Variants in NBAS observed in about 807,000 individuals in gnomAD.
NBAS encodes NBAS subunit of NRZ tethering complex.
A neutral mutation model predicts 302.5 loss-of-function variants in NBAS; 219 were observed. That is an observed-to-expected ratio of 0.72 (90% confidence interval 0.65 to 0.81). The LOEUF (loss-of-function observed/expected upper bound fraction) is 0.81, where lower values mean the gene tolerates loss of function less well. NBAS is among the 30% of genes least tolerant of loss of function. The pLI, the probability that NBAS is intolerant of heterozygous loss-of-function variation, is 0.00. For missense variants in NBAS, 2,932 were observed against 2,841.6 expected, an observed-to-expected ratio of 1.03 and a Z score of -0.72; for synonymous variants, 1,118 against 1,021.6, an observed-to-expected ratio of 1.09 and a Z score of -1.80.
intron 47 of NBAS, among the ~76,000 whole-genome samples, chr2:15,230,850 G>A (rs35509668): frequency 0.073 from 11,179 of 152,200 alleles, 454 homozygotes; most frequent in East Asian, 0.13. Context: ...TGTTTCCCAC[G>A]TAGCATCTCT....
At chr2:15,202,291 CAAT>C (rs1665914649) in intron 48 of NBAS, among the ~76,000 whole-genome samples, 1 of 152,156 alleles carries the variant, frequency 6.6e-6, no homozygotes, top group African/African-American at 2.4e-5. Flanking sequence ...AGAAATTACA[CAAT>C]AAAACATGCT....
chr2:15,144,046 A>ATATATATATATATATATATAT, the NBAS span, among the ~76,000 whole-genome samples: 4 of 104,548 alleles, frequency 3.8e-5, no homozygotes, highest in Non-Finnish European at 6.9e-5. Flanking sequence ...CCTATATATA[A>ATATATATATATATATATATAT]AAATATATAT....
intron 41 of NBAS, among the ~76,000 whole-genome samples, chr2:15,289,495 C>T (rs80323049): frequency 0.022 from 3,341 of 152,186 alleles, 84 homozygotes; most frequent in South Asian, 0.056. Flanking sequence ...CTAATTCATC[C>T]TTTCTATTAT....
chr2:15,527,960 A>T (rs966381535), intron 9 of NBAS, among the ~76,000 whole-genome samples: 5 of 152,064 alleles, frequency 3.3e-5, no homozygotes, highest in African/African-American at 1.2e-4. Flanking sequence ...CAGCTCAAAA[A>T]TTTGAGTCCC....
chr2:15,018,539 A>ATT, the NBAS span, among the ~76,000 whole-genome samples: 1 of 152,090 alleles, frequency 6.6e-6, no homozygotes, highest in Non-Finnish European at 1.5e-5. Flanking sequence ...ACACATAATA[A>ATT]TTTCTGCACA....
Position 15,415,714 on chromosome 2 carries a change from A to G in NBAS, c.2769T>C (p.Ser923=). ...EKLRLLMNSC[S]EDKYVTSAYQ... is the part of the protein sequence containing the mutation. ...AGGCACTTGTCACATATTTATCCTC[A>G]GAACACTGAAAGTACAATCAAGCAA... The change falls in exon 25 of 52, where the codon TCT becomes TCC. Residue 923 remains serine (S), a synonymous_variant. Coordinates refer to ENST00000281513, the MANE Select transcript of NBAS (RefSeq NM_015909.4). 6.2e-7 allele frequency: 1 copy of G among 1,614,230 alleles called. No individual in the cohort carries two copies. Among genetic ancestry groups the G allele is most frequent in the South Asian group, 1.1e-5 (1 of 91,090 alleles).
chr2:15,329,645 T>A (rs1337821755), intron 36 of NBAS, among the ~76,000 whole-genome samples: 3 of 152,146 alleles, frequency 2.0e-5, no homozygotes. Flanking sequence ...TCTGATCTCA[T>A]CTCCTACCAT....
chr2:15,176,266 A>T (rs760436022), intron 51 of NBAS, among the ~76,000 whole-genome samples: 1 of 152,192 alleles, frequency 6.6e-6, no homozygotes, highest in Non-Finnish European at 1.5e-5. Flanking sequence ...CAGTGATTTC[A>T]TATTTTATTT....
intron 29 of NBAS, among the ~76,000 whole-genome samples, chr2:15,380,283 G>A (rs1432103037): frequency 6.6e-6 from 1 of 151,768 alleles, no homozygotes; most frequent in East Asian, 1.9e-4. Flanking sequence ...TTGCTATGTT[G>A]TCCATAGGCT....
At chr2:15,109,593 C>T in the NBAS span, among the ~76,000 whole-genome samples, 2 of 152,122 alleles carry the variant, frequency 1.3e-5, no homozygotes, top group South Asian at 2.1e-4. Context: ...AGCTGGAAGG[C>T]TCAGATCAGG....
chr2:14,899,191 C>T, the NBAS span, among the ~76,000 whole-genome samples: 10 of 152,206 alleles, frequency 6.6e-5, no homozygotes, highest in African/African-American at 2.4e-4. Flanking sequence ...AAGAACATTA[C>T]TTCCTCCACA....
At chr2:14,904,644 G>C in the NBAS span, among the ~76,000 whole-genome samples, 1 of 151,798 alleles carries the variant, frequency 6.6e-6, no homozygotes, top group Admixed American at 6.6e-5. Context: ...ACAGTCAGCT[G>C]TGACTCAGTA....
chr2:15,446,157 T>C (rs748247653), intron 21 of NBAS, among the ~76,000 whole-genome samples: 1 of 151,410 alleles, frequency 6.6e-6, no homozygotes, highest in Non-Finnish European at 1.5e-5. Context: ...ATAATGACCA[T>C]AAATTTCCTA....
chr2:15,401,934 A>G (rs891960840), intron 26 of NBAS, among the ~76,000 whole-genome samples: 1 of 152,136 alleles, frequency 6.6e-6, no homozygotes, highest in African/African-American at 2.4e-5. Flanking sequence ...CATGTTTGAC[A>G]AAATTCAGAA....
intron 12 of NBAS, among the ~76,000 whole-genome samples, chr2:15,480,910 C>A (rs1260542454): frequency 1.3e-5 from 2 of 152,198 alleles, no homozygotes; most frequent in African/African-American, 4.8e-5. Context: ...GTGACCATCA[C>A]ATCTATCCAC....
At chr2:15,461,475 G>A in intron 20 of NBAS, 138 bp from the exon 21 acceptor site, 1 of 921,154 alleles carries the variant, frequency 1.1e-6, no homozygotes, top group Non-Finnish European at 1.7e-6. Flanking sequence ...GTTTTTCCTA[G>A]CCTATATCCT....
the NBAS span, among the ~76,000 whole-genome samples, chr2:14,879,747 T>C: frequency 6.6e-6 from 1 of 152,128 alleles, no homozygotes; most frequent in East Asian, 1.9e-4. Context: ...ATGTAAGCAG[T>C]AAAATAAAGA....
chr2:15,136,400 A>G, the NBAS span, among the ~76,000 whole-genome samples: 49 of 152,098 alleles, frequency 3.2e-4, no homozygotes, highest in African/African-American at 1.1e-3. Context: ...CTCTGTTGCA[A>G]CTCTTCAAGT....
chr2:15,495,762 G>T (rs535462459), intron 11 of NBAS, among the ~76,000 whole-genome samples: 235 of 152,122 alleles, frequency 1.5e-3, no homozygotes, highest in African/African-American at 5.5e-3. Flanking sequence ...CACCTACTAG[G>T]ATTACTAGAA....
Sources: gnomAD v4.1 joint callset for allele counts (sites outside exome capture counted in the v4.1 genomes callset) on GRCh38, gnomAD v4.1.1 for gene constraint, MANE v1.5 for transcripts, NCBI Gene and HGNC (gene_info 2026-07-23, HGNC 2026-07-21) for gene names.